CFAP70: variants seen among roughly 807,000 people sequenced by gnomAD.
CFAP70 encodes cilia and flagella associated protein 70, also known as cilia- and flagella-associated protein 70.
In CFAP70, 81 loss-of-function variants were observed where a neutral mutation model predicts 137.6. That is an observed-to-expected ratio of 0.59 (90% confidence interval 0.49 to 0.71). The LOEUF is 0.71. Among genes scored for constraint, CFAP70 ranks in the 30% least tolerant of loss-of-function variants. The probability of loss-of-function intolerance (pLI) is 0.00; values close to 1 mark genes in which losing one functional copy is unlikely to be tolerated. For missense variants in CFAP70, 976 were observed against 1,226.7 expected (o/e 0.80, Z 3.05); for synonymous variants, 382 against 423.6 (o/e 0.90, Z 1.20).
intron 15 of CFAP70, chr10:73,295,777 A>G (rs1398505422): frequency 1.3e-5 from 2 of 152,192 alleles, no homozygotes; most frequent in Non-Finnish European, 2.9e-5. Context: ...TATTTCCTAG[A>G]GTTCTACTGC....
chr10:73,355,949 C>T (rs570093623), intron 1 of CFAP70, among the ~76,000 whole-genome samples: 1 of 152,240 alleles, frequency 6.6e-6, no homozygotes, highest in African/African-American at 2.4e-5. Context: ...ACACTGTTCA[C>T]AGTGTTCTCT....
Position 73,275,705 on chromosome 10 carries a change from A to C in CFAP70, c.2521-107T>G. On this transcript the variant is annotated intron_variant, in intron 21 of 26. Transcript: ENST00000310715. This position sits in a 1 kb window ranked among gnomAD's most constrained non-coding sequence, Gnocchi z 4.0. ...TAAATAATACGAAATGTATTACAGA[A>C]TGAAATAATTATCCTCAACTTCAAA... 1.0e-6 allele frequency: 1 copy of C among 1,003,302 alleles called. No individual in the cohort carries two copies. The highest frequency in any genetic ancestry group is 1.4e-6 in the Non-Finnish European group (1 of 724,512). 62.1% of individuals were successfully genotyped at this position (1,003,302 alleles called of 1,614,324 possible). A position where few individuals can be genotyped will look rare whatever the true frequency, so the allele number is the denominator to read the frequency against.
In CFAP70 at chr10:73,304,991, T is replaced by C. The variant is rs560707142; in HGVS notation, c.1256+5167A>G. 2.0e-5 allele frequency among the ~76,000 whole-genome samples: 3 copies of C among 152,358 alleles called. No individual in the cohort carries two copies. In the South Asian group the frequency reaches 6.2e-4, roughly 32 times the overall value. On this transcript the variant is annotated intron_variant, in intron 12 of 26. Coordinates refer to ENST00000310715, the Ensembl canonical transcript of CFAP70. ...ATCAGCAGGAAAGCTTTCTGGCATT[T>C]TTACTTGCTCTTGCTCCGCTGCACA...
intron 12 of CFAP70, among the ~76,000 whole-genome samples, chr10:73,305,211 C>T (rs2049285398): frequency 6.6e-6 from 1 of 152,208 alleles, no homozygotes; most frequent in African/African-American, 2.4e-5. Context: ...TGCGGAAAAG[C>T]ACTGAAACCT....
intron 2 of CFAP70, 106 bp downstream of exon 2, chr10:73,354,628 T>C: frequency 1.2e-6 from 1 of 845,210 alleles, no homozygotes; most frequent in South Asian, 1.4e-5. Flanking sequence ...ATGCCACTGC[T>C]ACATAAAGCC....
intron 6 of CFAP70, among the ~76,000 whole-genome samples, chr10:73,338,953 T>C (rs1258083308): frequency 6.6e-6 from 1 of 150,394 alleles, no homozygotes; most frequent in Non-Finnish European, 1.5e-5. Flanking sequence ...ACGGTCTCGC[T>C]CTGACACTCA....
At chr10:73,269,571 C>T in intron 25 of CFAP70, 43 bp downstream of exon 26, 1 of 1,453,218 alleles carries the variant, frequency 6.9e-7, no homozygotes, top group Non-Finnish European at 9.6e-7. Flanking sequence ...CCCCTCACCT[C>T]TGTGCCCTAA....
At chr10:73,309,233 T>C (rs1012080442) in intron 12 of CFAP70, among the ~76,000 whole-genome samples, 4 of 152,204 alleles carry the variant, frequency 2.6e-5, no homozygotes, top group African/African-American at 7.2e-5. Context: ...CTATGAACAA[T>C]TGTATGCGAA....
At chr10:73,351,071 G>GTATATATATATATATATA (rs1158760266) in intron 3 of CFAP70, among the ~76,000 whole-genome samples, 2 of 31,382 alleles carry the variant, frequency 6.4e-5, no homozygotes, top group Admixed American at 5.2e-4. Context: ...GTGTGTGTGT[G>GTATATATATATATATATA]TATATATATA....
At chr10:73,254,100 T>TA in intron 26 of CFAP70, 45 bp from the exon 28 acceptor site, 1 of 1,504,310 alleles carries the variant, frequency 6.6e-7, no homozygotes, top group Non-Finnish European at 9.1e-7. Context: ...TCATACGTGA[T>TA]ATACTTTATG....
intron 12 of CFAP70, 41 bp from the exon 14 acceptor site, chr10:73,299,706 T>A (rs374372631): frequency 2.9e-5 from 43 of 1,470,308 alleles, no homozygotes; most frequent in South Asian, 1.1e-4. Context: ...CAAAAAAAAA[T>A]TTATTATCTA....
chr10:73,270,488 T>C (rs144013386), intron 24 of CFAP70, among the ~76,000 whole-genome samples: 373 of 25,028 alleles, frequency 0.015, 6 homozygotes, highest in African/African-American at 0.055. Flanking sequence ...CTTTTCCTTT[T>C]CTTTTCCTTC....
At chr10:73,305,447 C>T (rs1349471765) in intron 12 of CFAP70, among the ~76,000 whole-genome samples, 11 of 152,082 alleles carry the variant, frequency 7.2e-5, no homozygotes. Flanking sequence ...TTAAAGTTGA[C>T]CAGAGAAAAC....
intron 19 of CFAP70, among the ~76,000 whole-genome samples, chr10:73,283,662 T>C (rs2047429932): frequency 6.6e-6 from 1 of 152,242 alleles, no homozygotes; most frequent in African/African-American, 2.4e-5. Flanking sequence ...CAGCTTACTA[T>C]TATTGGTTCA....
rs760754431 is a variant in CFAP70 at position 73,253,947 on chromosome 10, T to G, written c.*28A>C. On this transcript the variant is annotated 3_prime_UTR_variant, in exon 27 of 27. Transcript: ENST00000310715. ...GGAAGGAAAGGAACTCAGAGTCCCA[T>G]GCAGAAAATTGTTCAGCTGGAGGGG... The G allele has an allele frequency of 4.5e-6, 7 of 1,572,232 alleles. No homozygotes were observed. In the Admixed American group the frequency reaches 1.0e-4, roughly 23 times the overall value.
intron 9 of CFAP70, among the ~76,000 whole-genome samples, chr10:73,317,043 TGA>T (rs1022601330): frequency 1.3e-5 from 2 of 152,182 alleles, no homozygotes; most frequent in Non-Finnish European, 2.9e-5. Flanking sequence ...TTTCTTTTAT[TGA>T]GAGAGAGTCT....
intron 9 of CFAP70, among the ~76,000 whole-genome samples, chr10:73,318,770 A>G (rs1227707431): frequency 6.6e-6 from 1 of 152,242 alleles, no homozygotes; most frequent in Non-Finnish European, 1.5e-5. Flanking sequence ...CAGATTCAAC[A>G]AGAGTATCTT....
intron 19 of CFAP70, among the ~76,000 whole-genome samples, chr10:73,287,631 C>T (rs762319373): frequency 4.6e-5 from 7 of 151,964 alleles, no homozygotes; most frequent in Non-Finnish European, 8.8e-5. Context: ...ATGTGCTCCA[C>T]CAAAATGAGG....
chr10:73,331,810 G>A (rs1390272701), intron 7 of CFAP70, among the ~76,000 whole-genome samples: 2 of 152,138 alleles, frequency 1.3e-5, no homozygotes, highest in African/African-American at 4.8e-5. Flanking sequence ...TTAACAATAT[G>A]AATCAAAAAC....
Sources: gnomAD v4.1 joint callset for allele counts (sites outside exome capture counted in the v4.1 genomes callset) on GRCh38, gnomAD v4.1.1 for gene constraint, Gnocchi (gnomAD v3.1) non-coding constraint, MANE v1.5 for transcripts, NCBI Gene and HGNC (gene_info 2026-07-23, HGNC 2026-07-21) for gene names.